RPS6KA1: variants seen among roughly 807,000 people sequenced by gnomAD.
RPS6KA1 encodes ribosomal protein S6 kinase A1, also known as ribosomal protein S6 kinase alpha-1.
In RPS6KA1, 48 loss-of-function variants were observed where a neutral mutation model predicts 91.3. The observed-to-expected ratio is 0.53, with a 90% CI of 0.42 to 0.67. The LOEUF (loss-of-function observed/expected upper bound fraction) is 0.67. Ranked by LOEUF, RPS6KA1 falls within the 30% of genes least tolerant of loss-of-function variation. The pLI is 0.00. For synonymous variants in RPS6KA1, 359 were observed against 384.7 expected, an observed-to-expected ratio of 0.93 and a Z score of 0.78; for missense variants, 719 against 960.5, an observed-to-expected ratio of 0.75 and a Z score of 3.32.
intron 6 of RPS6KA1, among the ~76,000 whole-genome samples, chr1:26,552,386 C>CAAAA (rs1197852280): frequency 2.0e-4 from 11 of 54,910 alleles, no homozygotes; most frequent in African/African-American, 6.4e-4. Flanking sequence ...GACTCTGTCT[C>CAAAA]AAAAAAAAAA....
rs2076250048 is a variant in RPS6KA1, at chr1:26,571,652, T to C, written c.1752+42T>C. The C allele has an allele frequency of 2.5e-6, 4 of 1,600,004 alleles. No individual in the cohort carries two copies. The highest frequency in any genetic ancestry group is 3.4e-6 in the Non-Finnish European group (4 of 1,171,908). On this transcript the variant is annotated intron_variant, in intron 18 of 21. Transcript: ENST00000374168. The surrounding 1 kb of genome is among the most constrained non-coding windows in gnomAD (Gnocchi z 5.1). ...CCTCAGCTGTAAGAGTGAGGGGGAA[T>C]TGGAGGCCTTGTGCCCCCTCCCAGA...
At chr1:26,536,483 G>C (rs780949256) in intron 1 of RPS6KA1, among the ~76,000 whole-genome samples, 1 of 152,326 alleles carries the variant, frequency 6.6e-6, no homozygotes, top group East Asian at 1.9e-4. Context: ...CACCCTTGCA[G>C]CAACTCTGGG....
At chr1:26,535,799 T>C (rs906322000) in intron 1 of RPS6KA1, among the ~76,000 whole-genome samples, 2 of 152,090 alleles carry the variant, frequency 1.3e-5, no homozygotes, top group African/African-American at 4.8e-5. Context: ...GAGCCTCAGT[T>C]TCCTTCTCTG....
intron 17 of RPS6KA1, among the ~76,000 whole-genome samples, chr1:26,562,868 C>T (rs1315612800): frequency 1.7e-5 from 2 of 119,464 alleles, no homozygotes; most frequent in Non-Finnish European, 3.2e-5. Context: ...TAGAGTCTTG[C>T]TCCTGTCGCC....
chr1:26,561,221 A>G lies in RPS6KA1; in HGVS notation c.1431+87A>G. ...AGGATTGCCATTCCTTTGACTTCTCATCCTCTTTCCAGTGGTCATGTGGAG... is the reference window on the plus strand; with the variant it reads ...AGGATTGCCATTCCTTTGACTTCTCGTCCTCTTTCCAGTGGTCATGTGGAG... On this transcript the variant is annotated intron_variant, in intron 16 of 21. Coordinates refer to ENST00000374168, the MANE Select transcript of RPS6KA1 (RefSeq NM_002953.4). This position sits in a 1 kb window ranked among gnomAD's most constrained non-coding sequence, Gnocchi z 5.7. The G allele has an allele frequency of 7.7e-7, 1 of 1,290,592 alleles. No individual in the cohort carries two copies. Among genetic ancestry groups the G allele is most frequent in the Middle Eastern group, 1.9e-4 (1 of 5,314 alleles). The allele number at this position is 1,290,592 out of a possible 1,614,324, so 79.9% of individuals were successfully genotyped here.
At chr1:26,565,078 G>A (rs936846579) in intron 17 of RPS6KA1, among the ~76,000 whole-genome samples, 1 of 152,202 alleles carries the variant, frequency 6.6e-6, no homozygotes, top group Non-Finnish European at 1.5e-5. Context: ...TGAGGATGTT[G>A]TTGGAGGAAG....
intron 17 of RPS6KA1, among the ~76,000 whole-genome samples, chr1:26,568,802 C>T (rs2124669085): frequency 6.6e-6 from 1 of 152,258 alleles, no homozygotes; most frequent in East Asian, 1.9e-4. Context: ...CCCTGTGTCC[C>T]AGTAGTGTCA....
At position 26,540,467 on chromosome 1, in the gene RPS6KA1, T is replaced by G. The variant is rs1411614733; in HGVS notation, c.108+3498T>G. 6.6e-6 allele frequency among the ~76,000 whole-genome samples: 1 copy of G among 152,248 alleles called. No homozygotes were observed. The highest frequency in any genetic ancestry group is 1.5e-5 in the Non-Finnish European group (1 of 68,042). On this transcript the variant is annotated intron_variant, in intron 2 of 21. Transcript: ENST00000374168. The surrounding 1 kb of genome is among the most constrained non-coding windows in gnomAD (Gnocchi z 4.2). ...GTTCATCCTCAGGACCCAGCTGGGCTGCCCCTCTCTGGAAGGTCTTTCTTG... is the reference window on the plus strand; with the variant it reads ...GTTCATCCTCAGGACCCAGCTGGGCGGCCCCTCTCTGGAAGGTCTTTCTTG...
At chr1:26,550,180 ATTT>A (rs749615792) in intron 4 of RPS6KA1, among the ~76,000 whole-genome samples, 1 of 106,242 alleles carries the variant, frequency 9.4e-6, no homozygotes, top group Non-Finnish European at 1.9e-5. Flanking sequence ...CGCCTGGCCA[ATTT>A]TTTTTTTTTT....
chr1:26,548,753 C>T, intron 4 of RPS6KA1, among the ~76,000 whole-genome samples: 1 of 150,910 alleles, frequency 6.6e-6, no homozygotes, highest in East Asian at 1.9e-4. Flanking sequence ...GAGCCGAGAT[C>T]GCGCCACCAT....
chr1:26,558,819 T>TCC lies in RPS6KA1; in HGVS notation c.1103_1104dup (p.Ser369ProfsTer19). 1.9e-6 allele frequency: 3 copies of TCC among 1,607,184 alleles called. No homozygotes were observed. Among genetic ancestry groups the TCC allele is most frequent in the Non-Finnish European group, 2.6e-6 (3 of 1,174,922 alleles). Reference sequence around the variant, plus strand: ...TCCATCCGTACAGATTCCCCAGGCATCCCCCCCAGCGCTGGGGCCCATCAG... The same window carrying TCC: ...TCCATCCGTACAGATTCCCCAGGCATCCCCCCCCCAGCGCTGGGGCCCATCAG... On this transcript the variant is annotated frameshift_variant, in exon 14 of 22. Transcript: ENST00000374168. LOFTEE classifies it high-confidence loss of function. The surrounding 1 kb of genome is among the most constrained non-coding windows in gnomAD (Gnocchi z 4.0).
At chr1:26,537,000 G>A in intron 2 of RPS6KA1, 31 bp downstream of exon 2, 5 of 1,612,574 alleles carry the variant, frequency 3.1e-6, no homozygotes, top group South Asian at 1.1e-5. Context: ...CCTGAGCGAG[G>A]GGCTGTGGGG....
chr1:26,547,000 T>A lies in RPS6KA1; in HGVS notation c.225+17T>A. The A allele has an allele frequency of 3.7e-6, 6 of 1,603,390 alleles. No homozygotes were observed. Among genetic ancestry groups the A allele is most frequent in the Non-Finnish European group, 5.1e-6 (6 of 1,170,358 alleles). Reference sequence around the variant, plus strand: ...TTTGGCAAAGTGAGTCATGAGCCCATAGCTGTGAAGGCAACACTCGTCATG... The same window carrying A: ...TTTGGCAAAGTGAGTCATGAGCCCAAAGCTGTGAAGGCAACACTCGTCATG... On this transcript the variant is annotated intron_variant, in intron 3 of 21. Transcript: ENST00000374168.
Position 26,561,280 on chromosome 1 carries a change from C to T in RPS6KA1, c.1431+146C>T. On this transcript the variant is annotated intron_variant, in intron 16 of 21. Transcript: ENST00000374168. The surrounding 1 kb of genome is among the most constrained non-coding windows in gnomAD (Gnocchi z 5.7). ...GGTCCCTTGGTCCCTTCAGTCTGCCCATACCCCAAGGGCCCTCCTTCAGAC... is the reference window on the plus strand; with the variant it reads ...GGTCCCTTGGTCCCTTCAGTCTGCCTATACCCCAAGGGCCCTCCTTCAGAC... 1.1e-6 allele frequency: 1 copy of T among 938,932 alleles called. No individual in the cohort carries two copies. 58.2% of individuals were successfully genotyped at this position (938,932 alleles called of 1,614,324 possible).
chr1:26,548,828 G>A (rs1449685014), intron 4 of RPS6KA1, among the ~76,000 whole-genome samples: 1 of 151,392 alleles, frequency 6.6e-6, no homozygotes, highest in Non-Finnish European at 1.5e-5. Context: ...AAAAGAAAAT[G>A]TAAGGTGACC....
chr1:26,536,069 G>A (rs777280063), intron 1 of RPS6KA1, among the ~76,000 whole-genome samples: 2 of 150,166 alleles, frequency 1.3e-5, no homozygotes, highest in East Asian at 4.0e-4. Context: ...CAGGAGAATC[G>A]CTTGAACCTG....
chr1:26,551,731 G>A lies in RPS6KA1; in HGVS notation c.468+8G>A, dbSNP rs1489699536. On this transcript the variant is annotated splice_region_variant and intron_variant, in intron 6 of 21. Coordinates refer to ENST00000374168, the MANE Select transcript of RPS6KA1 (RefSeq NM_002953.4). The surrounding 1 kb of genome is among the most constrained non-coding windows in gnomAD (Gnocchi z 4.5). ...ACCCGGCTCTCAAAAGAGGTGAGCT[G>A]ACATCTACTGCCAGAGGGCCCCGGG... is the stretch of plus-strand genomic sequence containing the variant. 2 of 1,612,078 alleles carry A rather than the reference G, an allele frequency of 1.2e-6. No homozygotes were observed. The highest frequency in any genetic ancestry group is 2.2e-5 in the East Asian group (1 of 44,876).
Position 26,555,357 on chromosome 1 carries a change from C to T in RPS6KA1, c.827+136C>T. ...ACTCTCCTCTGGGTTAAACATTATA[C>T]CTTCCAGAGCCCCTCTTTCATCCCT... On this transcript the variant is annotated intron_variant, in intron 10 of 21. Coordinates refer to ENST00000374168, the MANE Select transcript of RPS6KA1 (RefSeq NM_002953.4). This position sits in a 1 kb window ranked among gnomAD's most constrained non-coding sequence, Gnocchi z 4.3. 9.8e-7 allele frequency: 1 copy of T among 1,023,246 alleles called. No homozygotes were observed. The highest frequency in any genetic ancestry group is 1.5e-6 in the Non-Finnish European group (1 of 686,620). 63.4% of individuals were successfully genotyped at this position (1,023,246 alleles called of 1,614,324 possible).
intron 17 of RPS6KA1, among the ~76,000 whole-genome samples, chr1:26,568,932 A>T (rs1168631277): frequency 6.6e-6 from 1 of 152,026 alleles, no homozygotes; most frequent in Non-Finnish European, 1.5e-5. Flanking sequence ...GTAGTGGCTC[A>T]CACCTGTAAT....
Sources: allele counts gnomAD v4.1 joint callset (sites outside exome capture counted in the v4.1 genomes callset), GRCh38; gene constraint gnomAD v4.1.1; non-coding constraint Gnocchi (gnomAD v3.1); transcripts MANE v1.5; gene names NCBI Gene and HGNC (gene_info 2026-07-23, HGNC 2026-07-21).